The following GALNT11 variants were observed in gnomAD, a reference collection of about 807,000 sequenced individuals.
GALNT11 encodes polypeptide N-acetylgalactosaminyltransferase 11, also known as UDP-GalNAc:polypeptide N-acetylgalactosaminyltransferase 11.
In GALNT11, 47 loss-of-function variants were observed where a neutral mutation model predicts 72.7. That is an observed-to-expected ratio of 0.65 (90% CI 0.51 to 0.82). GALNT11 has a LOEUF of 0.82. Among genes scored for constraint, GALNT11 ranks in the 40% least tolerant of loss-of-function variants. GALNT11 has a pLI of 0.00. For synonymous variants in GALNT11, 270 were observed against 286.6 expected (o/e 0.94, Z 0.58); for missense variants, 677 against 778.4 (o/e 0.87, Z 1.55).
chr7:152,079,047 A>G lies in GALNT11; in HGVS notation c.-38-15143A>G, dbSNP rs1160097444. ...GGATGAATGGCATAGCTGACACAGG[A>G]AAGAGTATGTGTAGGATGCAAGCGA... is the stretch of plus-strand genomic sequence containing the variant. On this transcript the variant is annotated intron_variant, in intron 1 of 11. Coordinates refer to ENST00000430044, the MANE Select transcript of GALNT11 (RefSeq NM_022087.4). Among the ~76,000 whole-genome samples the G allele has an allele frequency of 2.6e-5, 4 of 152,236 alleles. No homozygotes were observed. In the East Asian group the frequency reaches 7.7e-4, roughly 29 times the overall value.
At chr7:152,066,483 C>T (rs987188812) in intron 1 of GALNT11, among the ~76,000 whole-genome samples, 6 of 142,806 alleles carry the variant, frequency 4.2e-5, no homozygotes, top group South Asian at 2.1e-4. Context: ...GAAATGAACC[C>T]GGTTACCTCA....
At chr7:152,072,667 G>C (rs2129011839) in intron 1 of GALNT11, among the ~76,000 whole-genome samples, 1 of 152,340 alleles carries the variant, frequency 6.6e-6, no homozygotes, top group Middle Eastern at 3.4e-3. Flanking sequence ...CCTTTCGTAA[G>C]TAACTTCCTT....
At chr7:152,053,027 C>T (rs1047806774) in intron 1 of GALNT11, among the ~76,000 whole-genome samples, 4 of 152,208 alleles carry the variant, frequency 2.6e-5, no homozygotes, top group African/African-American at 7.2e-5. Context: ...CCTGCTGGTC[C>T]TCCTTTGCAC....
intron 2 of GALNT11, among the ~76,000 whole-genome samples, chr7:152,096,136 T>C (rs1563068933): frequency 6.6e-6 from 1 of 152,194 alleles, no homozygotes; most frequent in Non-Finnish European, 1.5e-5. Context: ...CCTACACACA[T>C]TGAAAGATAT....
intron 1 of GALNT11, among the ~76,000 whole-genome samples, chr7:152,076,061 CAAAAAAAAAAAAAAAAA>C (rs71198757): frequency 2.8e-5 from 2 of 71,314 alleles, no homozygotes; most frequent in African/African-American, 6.2e-5. Flanking sequence ...GACTCCGTCT[CAAAAAAAAAAAAAAAAA>C]AAAAAAAAAA....
intron 5 of GALNT11, among the ~76,000 whole-genome samples, chr7:152,106,780 A>G (rs2087608085): frequency 6.6e-6 from 1 of 152,176 alleles, no homozygotes; most frequent in Non-Finnish European, 1.5e-5. Flanking sequence ...GCCAGTTTGC[A>G]TGGAAGTCAT....
chr7:152,063,424 A>G (rs1389819236), intron 1 of GALNT11, among the ~76,000 whole-genome samples: 1 of 152,056 alleles, frequency 6.6e-6, no homozygotes, highest in African/African-American at 2.4e-5. Context: ...TCCTGGATTC[A>G]TTGATTTTTT....
chr7:152,085,801 C>T (rs950141119), intron 1 of GALNT11, among the ~76,000 whole-genome samples: 1 of 152,006 alleles, frequency 6.6e-6, no homozygotes, highest in Admixed American at 6.6e-5. Context: ...GCAACCTCTG[C>T]CTCCTGGGTT....
intron 1 of GALNT11, among the ~76,000 whole-genome samples, chr7:152,029,944 A>T (rs1295587595): frequency 6.6e-6 from 1 of 152,238 alleles, no homozygotes; most frequent in African/African-American, 2.4e-5. Flanking sequence ...GCCCTTGTTT[A>T]CACTGACAAC....
chr7:152,083,357 G>C (rs547413216), intron 1 of GALNT11, among the ~76,000 whole-genome samples: 1 of 152,114 alleles, frequency 6.6e-6, no homozygotes, highest in African/African-American at 2.4e-5. Context: ...AGTAGACTCT[G>C]TTGTTTTTCC....
At chr7:152,060,959 C>A (rs2083975112) in intron 1 of GALNT11, among the ~76,000 whole-genome samples, 1 of 152,130 alleles carries the variant, frequency 6.6e-6, no homozygotes, top group Non-Finnish European at 1.5e-5. Context: ...TTTATAGCAG[C>A]ATGATTTATA....
chr7:152,109,669 G>C (rs1231177577), intron 6 of GALNT11, among the ~76,000 whole-genome samples: 1 of 151,940 alleles, frequency 6.6e-6, no homozygotes, highest in African/African-American at 2.4e-5. Context: ...CATTTGCCTG[G>C]TTATTTATTT....
In GALNT11 at chr7:152,110,518, C is replaced by T. The variant is rs1753673858; in HGVS notation, c.963-10C>T. On this transcript the variant is annotated splice_polypyrimidine_tract_variant and intron_variant, in intron 6 of 11. Transcript: ENST00000430044. ...ATAAGGAATGAGTACAGTAATTTTCCTTTTTCTAGGTCACCAACAATGGCT... is the reference window on the plus strand; with the variant it reads ...ATAAGGAATGAGTACAGTAATTTTCTTTTTTCTAGGTCACCAACAATGGCT... The T allele has an allele frequency of 2.5e-6, 4 of 1,606,498 alleles. No individual in the cohort carries two copies. The African/African-American group carries it at 5.4e-5, about 22-fold the overall frequency.
chr7:152,121,644 C>T lies in GALNT11; in HGVS notation c.1794C>T (p.Gly598=), dbSNP rs1257094720. Residue 598 remains glycine (G), a synonymous_variant, in exon 12 of 12, where the codon GGC becomes GGT. Transcript: ENST00000430044. ...CTGTCGCCATGGCGATCTGCGATGGCTCCTCTTCACAGCAGTGGCATTTGG... is the reference window on the plus strand; with the variant it reads ...CTGTCGCCATGGCGATCTGCGATGGTTCCTCTTCACAGCAGTGGCATTTGG... ...KGSVAMAICD[G]SSSQQWHLEG is the part of the protein sequence containing the mutation. The T allele has an allele frequency of 3.7e-6, 6 of 1,614,114 alleles. No homozygotes were observed. In the South Asian group the frequency reaches 5.5e-5, roughly 15 times the overall value.
chr7:152,092,382 A>AT (rs2086097888), intron 1 of GALNT11, among the ~76,000 whole-genome samples: 1 of 151,966 alleles, frequency 6.6e-6, no homozygotes, highest in Non-Finnish European at 1.5e-5. Flanking sequence ...TTTTCTGTTT[A>AT]TGTCTTTAGT....
chr7:152,112,356 T>G (rs2088319301), intron 7 of GALNT11, among the ~76,000 whole-genome samples: 1 of 152,082 alleles, frequency 6.6e-6, no homozygotes, highest in East Asian at 1.9e-4. Flanking sequence ...CTGGCCAACA[T>G]GGTGAAACCC....
intron 1 of GALNT11, among the ~76,000 whole-genome samples, chr7:152,066,659 TTGTA>T (rs1262439715): frequency 6.6e-6 from 1 of 152,154 alleles, no homozygotes; most frequent in Non-Finnish European, 1.5e-5. Context: ...TTATAAGCCA[TTGTA>T]GGGTTATTAA....
rs6150397 is a variant in GALNT11 at position 152,113,712 on chromosome 7, C to CTTTTTTTTTTTTTTTTTTTTT, written c.1233+336_1233+356dup. On this transcript the variant is annotated intron_variant, in intron 8 of 11. Coordinates refer to ENST00000430044, the MANE Select transcript of GALNT11 (RefSeq NM_022087.4). ...TGTGACGCCTGCAAAAGTTGGCTTT[C>CTTTTTTTTTTTTTTTTTTTTT]TTTTTTTTTTTTTTTTTTTTTTTTT... is the stretch of plus-strand genomic sequence containing the variant. 8.2e-5 allele frequency among the ~76,000 whole-genome samples: 8 copies of CTTTTTTTTTTTTTTTTTTTTT among 97,028 alleles called. 1 individual carries two copies. Among genetic ancestry groups the CTTTTTTTTTTTTTTTTTTTTT allele is most frequent in the Non-Finnish European group, 1.2e-4 (6 of 49,524 alleles). The allele number at this position is 97,028 out of a possible 152,430, so 63.7% of individuals were successfully genotyped here. A position where few individuals can be genotyped will look rare whatever the true frequency, so the allele number is the denominator to read the frequency against.
At position 152,117,368 on chromosome 7, in the gene GALNT11, G is replaced by A. The variant is rs865813933; in HGVS notation, c.1445G>A (p.Arg482His). The A allele has an allele frequency of 7.4e-6, 12 of 1,613,964 alleles. No homozygotes were observed. Among genetic ancestry groups the A allele is most frequent in the South Asian group, 3.3e-5 (3 of 91,056 alleles). Residue 482 changes from arginine (R) to histidine (H), a missense_variant, in exon 9 of 12, where the codon CGT becomes CAT. Coordinates refer to ENST00000430044, the MANE Select transcript of GALNT11 (RefSeq NM_022087.4). The stretch of plus-strand genomic sequence containing the variant: ...CCAAAACGACCCAAAGTCCTTCAAC[G>A]TGGAAGGGTAAGAAAGCTGTTTTTT... ...RGPKRPKVLQ[R>H]GRLYHLQTNK...
Sources: allele counts gnomAD v4.1 joint callset (sites outside exome capture counted in the v4.1 genomes callset), GRCh38; gene constraint gnomAD v4.1.1; transcripts MANE v1.5; gene names NCBI Gene and HGNC (gene_info 2026-07-23, HGNC 2026-07-21).